The following MPPED1 variants were observed in gnomAD, a reference collection of about 807,000 sequenced individuals.
The protein encoded by MPPED1 is metallophosphoesterase domain-containing protein 1.
In MPPED1, 16 loss-of-function variants were observed where a neutral mutation model predicts 36.2. That is an observed-to-expected ratio of 0.44 (90% CI 0.30 to 0.67). The LOEUF (loss-of-function observed/expected upper bound fraction) is 0.67, where lower values mean the gene tolerates loss of function less well. MPPED1 is among the 30% of genes least tolerant of loss of function. MPPED1 has a pLI of 0.10. For missense variants in MPPED1, 307 were observed against 453.4 expected (o/e 0.68, Z 2.93); for synonymous variants, 199 against 191.3 (o/e 1.04, Z -0.33).
At chr22:43,496,066 GGTGGTGGAGGTA>G (rs1932329494) in intron 4 of MPPED1, among the ~76,000 whole-genome samples, 1 of 102,978 alleles carries the variant, frequency 9.7e-6, no homozygotes, top group African/African-American at 3.8e-5. Flanking sequence ...TGGTGGAGGT[GGTGGTGGAGGTA>G]GTGGTGGTGG....
intron 3 of MPPED1, among the ~76,000 whole-genome samples, chr22:43,450,968 T>C (rs1430893538): frequency 6.6e-6 from 1 of 151,682 alleles, no homozygotes; most frequent in Non-Finnish European, 1.5e-5. Context: ...TCAGGTGATC[T>C]GCCCACCTTG....
At chr22:43,488,651 T>C (rs1415376026) in intron 4 of MPPED1, among the ~76,000 whole-genome samples, 1 of 152,166 alleles carries the variant, frequency 6.6e-6, no homozygotes, top group African/African-American at 2.4e-5. Flanking sequence ...TCCCATGGGT[T>C]TGTTCACATT....
chr22:43,453,588 T>C (rs191967444), intron 3 of MPPED1, among the ~76,000 whole-genome samples: 163 of 152,292 alleles, frequency 1.1e-3, no homozygotes, highest in African/African-American at 3.5e-3. Context: ...CCATTTACTC[T>C]TCTTTCATCC....
chr22:43,486,931 G>A (rs531827857), intron 4 of MPPED1, among the ~76,000 whole-genome samples: 1 of 152,146 alleles, frequency 6.6e-6, no homozygotes, highest in African/African-American at 2.4e-5. Context: ...GAGAGTTCTC[G>A]TGACTGTTTT....
intron 3 of MPPED1, among the ~76,000 whole-genome samples, chr22:43,467,015 G>A (rs1046904949): frequency 4.6e-5 from 7 of 152,208 alleles, no homozygotes; most frequent in African/African-American, 7.2e-5. Flanking sequence ...AAACAAATCC[G>A]TGCAGAAGTA....
intron 3 of MPPED1, among the ~76,000 whole-genome samples, chr22:43,437,533 T>A (rs1930002946): frequency 6.6e-6 from 1 of 152,156 alleles, no homozygotes; most frequent in Admixed American, 6.5e-5. Context: ...CTCTCCTTCT[T>A]GAGGTGAAGC....
chr22:43,489,006 TGGCAGTGTG>T (rs1303674211), intron 4 of MPPED1, among the ~76,000 whole-genome samples: 3 of 152,278 alleles, frequency 2.0e-5, no homozygotes, highest in African/African-American at 7.2e-5. Context: ...CAGACCATGT[TGGCAGTGTG>T]GGCAGTGAGG....
At chr22:43,428,337 G>A (rs1929555143) in intron 2 of MPPED1, among the ~76,000 whole-genome samples, 1 of 152,208 alleles carries the variant, frequency 6.6e-6, no homozygotes, top group Non-Finnish European at 1.5e-5. Context: ...GACCCTGGAG[G>A]GAGCATGCTC....
intron 4 of MPPED1, among the ~76,000 whole-genome samples, chr22:43,479,582 C>G (rs1041542816): frequency 4.6e-5 from 7 of 152,218 alleles, no homozygotes; most frequent in African/African-American, 1.2e-4. Flanking sequence ...GGCATGCAAG[C>G]AGGGGGTCTG....
At chr22:43,481,658 C>T (rs1038559247) in intron 4 of MPPED1, among the ~76,000 whole-genome samples, 2 of 152,138 alleles carry the variant, frequency 1.3e-5, no homozygotes, top group African/African-American at 4.8e-5. Context: ...TCACCAGCTC[C>T]CTCCCCTCTG....
chr22:43,458,789 A>G (rs1004539153), intron 3 of MPPED1, among the ~76,000 whole-genome samples: 9 of 152,174 alleles, frequency 5.9e-5, no homozygotes, highest in African/African-American at 9.7e-5. Context: ...TTTAAAGGAT[A>G]GTTTTGCGGG....
intron 3 of MPPED1, among the ~76,000 whole-genome samples, chr22:43,473,401 T>G (rs12168865): frequency 0.098 from 14,924 of 152,184 alleles, 873 homozygotes; most frequent in African/African-American, 0.16. Flanking sequence ...CCACAGTTAC[T>G]GCTTTGTGAA....
At chr22:43,500,005 TGGTGATGGTGGA>T (rs1569091460) in intron 5 of MPPED1, among the ~76,000 whole-genome samples, 31 of 50,404 alleles carry the variant, frequency 6.2e-4, no homozygotes, top group Admixed American at 1.1e-3. Context: ...GAGGTGGCGG[TGGTGATGGTGGA>T]GGTGGTGGTG....
chr22:43,464,334 T>TGG (rs1931087459), intron 3 of MPPED1, among the ~76,000 whole-genome samples: 1 of 139,620 alleles, frequency 7.2e-6, no homozygotes, highest in African/African-American at 2.7e-5. Context: ...TGTGTGTGTG[T>TGG]GGTGGGCATA....
chr22:43,501,053 C>T (rs540669563), intron 5 of MPPED1, among the ~76,000 whole-genome samples: 15 of 152,226 alleles, frequency 9.9e-5, no homozygotes, highest in African/African-American at 1.9e-4. Flanking sequence ...CCAGCCAGTG[C>T]GCCACGGCCC....
rs1932456159 is a variant in MPPED1 at position 43,497,477 on chromosome 22, T to G, written c.633-758T>G. ...AGCTCCCAAGGCTAGAAGCTCACTG[T>G]TTATACACAGGGATGATAGTATCCA... On this transcript the variant is annotated intron_variant, in intron 4 of 6. Transcript: ENST00000443721. 2.0e-5 allele frequency among the ~76,000 whole-genome samples: 3 copies of G among 152,052 alleles called. No individual in the cohort carries two copies. In the South Asian group the frequency reaches 6.2e-4, roughly 31 times the overall value.
intron 4 of MPPED1, among the ~76,000 whole-genome samples, chr22:43,482,750 G>A (rs752973979): frequency 2.6e-5 from 4 of 152,234 alleles, no homozygotes; most frequent in African/African-American, 4.8e-5. Flanking sequence ...TTTCTCTACC[G>A]CCCACAGCCA....
chr22:43,413,070 A>C (rs1928961748), intron 1 of MPPED1, among the ~76,000 whole-genome samples: 1 of 152,188 alleles, frequency 6.6e-6, no homozygotes, highest in African/African-American at 2.4e-5. Flanking sequence ...ACCCCTGTCC[A>C]GCTGACCTCT....
intron 3 of MPPED1, among the ~76,000 whole-genome samples, chr22:43,467,406 C>T (rs1201112804): frequency 1.3e-5 from 2 of 152,232 alleles, no homozygotes; most frequent in African/African-American, 4.8e-5. Context: ...CATCTGACTC[C>T]AGAACTCTCC....
Sources: allele counts gnomAD v4.1 joint callset (sites outside exome capture counted in the v4.1 genomes callset), GRCh38; gene constraint gnomAD v4.1.1; transcripts MANE v1.5; gene names NCBI Gene and HGNC (gene_info 2026-07-23, HGNC 2026-07-21).